The following INSR variants were observed in gnomAD, a reference collection of about 807,000 sequenced individuals.
INSR encodes IR.
In INSR, 67 loss-of-function variants were observed where a neutral mutation model predicts 142.6. That is an observed-to-expected ratio of 0.47 (90% confidence interval 0.39 to 0.58). The LOEUF (loss-of-function observed/expected upper bound fraction) is 0.58. Among genes scored for constraint, INSR ranks in the 20% least tolerant of loss-of-function variants. The pLI, the probability that INSR is intolerant of heterozygous loss-of-function variation, is 0.00. For missense variants in INSR, 1,248 were observed against 1,833.2 expected, an observed-to-expected ratio of 0.68 and a Z score of 5.83; for synonymous variants, 756 against 743.1, an observed-to-expected ratio of 1.02 and a Z score of -0.28.
intron 14 of INSR, among the ~76,000 whole-genome samples, chr19:7,131,489 G>A (rs916967679): frequency 8.1e-4 from 123 of 151,112 alleles, no homozygotes; most frequent in African/African-American, 2.7e-3. Flanking sequence ...GACTACAGGC[G>A]CCCGCCACCA....
chr19:7,197,514 G>GGAGT (rs1418762689), intron 2 of INSR, among the ~76,000 whole-genome samples: 3 of 26,948 alleles, frequency 1.1e-4, no homozygotes, highest in Non-Finnish European at 2.9e-4. Context: ...AGTGGGAGTG[G>GGAGT]GGGTGTGTGT....
chr19:7,256,931 C>CTTGTTTTTTTTTTTTTT (rs1568222889), intron 2 of INSR, among the ~76,000 whole-genome samples: 1 of 109,462 alleles, frequency 9.1e-6, no homozygotes, highest in Non-Finnish European at 1.8e-5. Flanking sequence ...TCTACCCTAC[C>CTTGTTTTTTTTTTTTTT]TTTTTTTTTT....
At chr19:7,152,997 CCCACACACA>C (rs1973417906) in intron 9 of INSR, 70 bp from the exon 10 acceptor site, 1 of 691,868 alleles carries the variant, frequency 1.4e-6, no homozygotes. Flanking sequence ...ACACACACAC[CCCACACACA>C]CACACACCAC....
chr19:7,271,397 G>A (rs1967923358), intron 1 of INSR, among the ~76,000 whole-genome samples: 1 of 152,068 alleles, frequency 6.6e-6, no homozygotes, highest in South Asian at 2.1e-4. Flanking sequence ...ACACTTGGGA[G>A]TCTGAGGCAG....
intron 2 of INSR, among the ~76,000 whole-genome samples, chr19:7,196,341 T>A (rs1974747710): frequency 6.6e-6 from 1 of 152,184 alleles, no homozygotes; most frequent in South Asian, 2.1e-4. Flanking sequence ...GTATATAATG[T>A]GTGTGCATAA....
intron 11 of INSR, among the ~76,000 whole-genome samples, chr19:7,149,443 TC>T (rs1973267309): frequency 6.6e-6 from 1 of 152,140 alleles, no homozygotes; most frequent in African/African-American, 2.4e-5. Context: ...CAGGTAAACA[TC>T]TCCTTGCCTT....
intron 2 of INSR, among the ~76,000 whole-genome samples, chr19:7,236,749 C>T (rs751103787): frequency 3.9e-5 from 6 of 152,062 alleles, no homozygotes; most frequent in Non-Finnish European, 5.9e-5. Flanking sequence ...ATACAAGGCC[C>T]GGCACGGTGG....
At chr19:7,276,438 C>T (rs1478929284) in intron 1 of INSR, among the ~76,000 whole-genome samples, 3 of 141,626 alleles carry the variant, frequency 2.1e-5, no homozygotes, top group Non-Finnish European at 3.1e-5. Flanking sequence ...CCATCAAGCC[C>T]GGCCAGTAAC....
chr19:7,243,555 T>C (rs908439708), intron 2 of INSR, among the ~76,000 whole-genome samples: 4 of 152,104 alleles, frequency 2.6e-5, no homozygotes, highest in Non-Finnish European at 5.9e-5. Flanking sequence ...CTAAATTTTT[T>C]CTTAAGTTAT....
chr19:7,167,574 CAAAA>C (rs34670852), intron 7 of INSR, among the ~76,000 whole-genome samples: 3 of 123,450 alleles, frequency 2.4e-5, no homozygotes, highest in Admixed American at 8.6e-5. Flanking sequence ...GACTCTGTCT[CAAAA>C]AAAAAAAAAA....
In INSR at chr19:7,287,085, T is replaced by A. The variant is rs931231009; in HGVS notation, c.100+6707A>T. Among the ~76,000 whole-genome samples, 10 of 151,286 alleles carry A rather than the reference T, an allele frequency of 6.6e-5. No homozygotes were observed. In the East Asian group the frequency reaches 2.0e-3, roughly 30 times the overall value. On this transcript the variant is annotated intron_variant, in intron 1 of 21. Coordinates refer to ENST00000302850, the MANE Select transcript of INSR (RefSeq NM_000208.4). ...GGCTGATCTGAAACTCCTGGACACATGTAATCCTCCCACCTCAGCCTCCCA... is the reference window on the plus strand; with the variant it reads ...GGCTGATCTGAAACTCCTGGACACAAGTAATCCTCCCACCTCAGCCTCCCA...
chr19:7,160,615 A>T (rs1312092847), intron 9 of INSR, among the ~76,000 whole-genome samples: 1 of 151,838 alleles, frequency 6.6e-6, no homozygotes, highest in Non-Finnish European at 1.5e-5. Flanking sequence ...ACAGAGTGAG[A>T]CCCCATCTTA....
intron 13 of INSR, among the ~76,000 whole-genome samples, chr19:7,139,250 A>G (rs550490419): frequency 6.6e-6 from 1 of 152,364 alleles, no homozygotes; most frequent in East Asian, 1.9e-4. Context: ...ATTGAGAGAA[A>G]GAATAAATGT....
intron 3 of INSR, among the ~76,000 whole-genome samples, chr19:7,175,242 G>C (rs1338310585): frequency 6.6e-6 from 1 of 152,084 alleles, no homozygotes; most frequent in African/African-American, 2.4e-5. Flanking sequence ...AGCCGGGCGT[G>C]GTGGCTCCTG....
In INSR at chr19:7,225,965, G is replaced by A. The variant is rs932104828; in HGVS notation, c.653-41328C>T. ...CCAGCCCCAGTATCCGCAGGCCCCA[G>A]GTGGAGAAACCCCGTCCCGGAATGA... On this transcript the variant is annotated intron_variant, in intron 2 of 21. Coordinates refer to ENST00000302850, the MANE Select transcript of INSR (RefSeq NM_000208.4). This position sits in a 1 kb window ranked among gnomAD's most constrained non-coding sequence, Gnocchi z 4.7. Among the ~76,000 whole-genome samples, 1 of 152,150 alleles carries A rather than the reference G, an allele frequency of 6.6e-6. No homozygotes were observed. Among genetic ancestry groups the A allele is most frequent in the Non-Finnish European group, 1.5e-5 (1 of 68,022 alleles).
At chr19:7,142,669 G>A (rs1244873236) in intron 12 of INSR, 147 bp downstream of exon 12, 1 of 959,798 alleles carries the variant, frequency 1.0e-6, no homozygotes, top group Admixed American at 2.0e-5. Context: ...CTCCAGCCTG[G>A]GCGACAGAGC....
chr19:7,198,493 G>T (rs944055745), intron 2 of INSR, among the ~76,000 whole-genome samples: 6 of 152,164 alleles, frequency 3.9e-5, no homozygotes, highest in African/African-American at 1.4e-4. Context: ...TGCGCGCGGC[G>T]CTGGGCGTGT....
At chr19:7,261,078 G>T (rs935555136) in intron 2 of INSR, among the ~76,000 whole-genome samples, 1 of 151,870 alleles carries the variant, frequency 6.6e-6, no homozygotes, top group Non-Finnish European at 1.5e-5. Flanking sequence ...TGTCGAGACG[G>T]GGTTTCTCCA....
chr19:7,195,042 GGAAAA>G (rs1310339364), intron 2 of INSR, among the ~76,000 whole-genome samples: 5 of 151,862 alleles, frequency 3.3e-5, no homozygotes, highest in African/African-American at 1.2e-4. Context: ...TCCTGCAGGG[GGAAAA>G]GAAAAGGAAA....
Sources: gnomAD v4.1 joint callset for allele counts (sites outside exome capture counted in the v4.1 genomes callset) on GRCh38, gnomAD v4.1.1 for gene constraint, Gnocchi (gnomAD v3.1) non-coding constraint, MANE v1.5 for transcripts, NCBI Gene and HGNC (gene_info 2026-07-23, HGNC 2026-07-21) for gene names.